The following GALNTL6 variants were observed in gnomAD, a reference collection of about 807,000 sequenced individuals.
GALNTL6 encodes polypeptide N-acetylgalactosaminyltransferase like 6.
A neutral mutation model predicts 73.7 loss-of-function variants in GALNTL6; 46 were observed. The ratio of observed to expected loss-of-function variants is 0.62; its 90% CI spans 0.49 to 0.80. The LOEUF is 0.80. Among genes scored for constraint, GALNTL6 ranks in the 30% least tolerant of loss-of-function variants. The pLI, the probability that GALNTL6 is intolerant of heterozygous loss-of-function variation, is 0.00. For synonymous variants in GALNTL6, 259 were observed against 263.7 expected (o/e 0.98, Z 0.17); for missense variants, 604 against 755.0 (o/e 0.80, Z 2.34).
chr4:172,078,216 G>C (rs1420357326), intron 2 of GALNTL6, among the ~76,000 whole-genome samples: 1 of 152,134 alleles, frequency 6.6e-6, no homozygotes, highest in Non-Finnish European at 1.5e-5. Context: ...ATTGGAACAT[G>C]GGGGCAGATT....
At chr4:172,971,350 T>C (rs772119466) in intron 10 of GALNTL6, among the ~76,000 whole-genome samples, 1 of 152,252 alleles carries the variant, frequency 6.6e-6, no homozygotes, top group Non-Finnish European at 1.5e-5. Context: ...TCAAGAACTC[T>C]GGGATTATTT....
rs968969080 is a variant in GALNTL6, at chr4:172,337,711, T to C, written c.387-10812T>C. Among the ~76,000 whole-genome samples, 14 of 150,728 alleles carry C rather than the reference T, an allele frequency of 9.3e-5. 1 individual carries two copies. The highest frequency in any genetic ancestry group is 3.9e-4 in the East Asian group (2 of 5,120). On this transcript the variant is annotated intron_variant, in intron 4 of 12. Coordinates refer to ENST00000506823, the MANE Select transcript of GALNTL6 (RefSeq NM_001034845.3). ...CTTTAAGGTTTTTTGTTTTTTTTTTTCTAGTGTTGACCTTGATCAGTCTGG... is the reference window on the plus strand; with the variant it reads ...CTTTAAGGTTTTTTGTTTTTTTTTTCCTAGTGTTGACCTTGATCAGTCTGG...
At chr4:172,977,922 C>T (rs1750894850) in intron 10 of GALNTL6, among the ~76,000 whole-genome samples, 1 of 152,142 alleles carries the variant, frequency 6.6e-6, no homozygotes, top group African/African-American at 2.4e-5. Flanking sequence ...TCACTGCAGC[C>T]TCTGCCTCCT....
intron 5 of GALNTL6, among the ~76,000 whole-genome samples, chr4:172,407,219 A>G (rs562441266): frequency 2.0e-5 from 3 of 152,190 alleles, no homozygotes; most frequent in East Asian, 3.9e-4. Context: ...ATTGCTTATC[A>G]TATTATCCAA....
intron 5 of GALNTL6, among the ~76,000 whole-genome samples, chr4:172,622,198 A>G (rs1204158997): frequency 2.6e-5 from 4 of 152,238 alleles, no homozygotes; most frequent in Non-Finnish European, 5.9e-5. Context: ...ACATCCTGTT[A>G]ATAGGAACTC....
intron 5 of GALNTL6, among the ~76,000 whole-genome samples, chr4:172,384,969 TTGTG>T (rs71655291): frequency 0.025 from 3,659 of 145,120 alleles, 155 homozygotes; most frequent in African/African-American, 0.085. Context: ...TGTTGTAATT[TTGTG>T]TGTGTGTGTG....
At chr4:172,168,444 G>C (rs899350894) in intron 2 of GALNTL6, among the ~76,000 whole-genome samples, 4 of 152,126 alleles carry the variant, frequency 2.6e-5, no homozygotes, top group Non-Finnish European at 5.9e-5. Flanking sequence ...TTTATACATA[G>C]ATTGGCATAT....
At chr4:172,378,468 T>G (rs527770923) in intron 5 of GALNTL6, among the ~76,000 whole-genome samples, 9 of 152,172 alleles carry the variant, frequency 5.9e-5, no homozygotes, top group Non-Finnish European at 1.2e-4. Context: ...TCGATAACAC[T>G]AATTGTGTAT....
intron 10 of GALNTL6, among the ~76,000 whole-genome samples, chr4:172,977,903 G>A (rs1157105309): frequency 6.6e-6 from 1 of 152,154 alleles, no homozygotes; most frequent in Admixed American, 6.5e-5. Context: ...GCAATGGCGT[G>A]ATCACAGCTC....
chr4:172,725,923 AT>A (rs1342372921), intron 5 of GALNTL6, among the ~76,000 whole-genome samples: 1 of 152,230 alleles, frequency 6.6e-6, no homozygotes, highest in Non-Finnish European at 1.5e-5. Flanking sequence ...TGTTGTGAGG[AT>A]TAAATTATAA....
Position 172,028,215 on chromosome 4 carries a change from T to C in GALNTL6, c.139-201441T>C, listed in dbSNP as rs915323147. Among the ~76,000 whole-genome samples the C allele has an allele frequency of 4.6e-5, 7 of 151,382 alleles. No homozygotes were observed. The East Asian group carries it at 5.8e-4, about 13-fold the overall frequency. On this transcript the variant is annotated intron_variant, in intron 2 of 12. Transcript: ENST00000506823. ...ATAGAAACTACCAAAATAATAAAGA[T>C]GAAAAGAGATTGGGAGTAGTTACAT...
chr4:173,030,607 T>C (rs1291685281), intron 12 of GALNTL6, among the ~76,000 whole-genome samples: 2 of 152,064 alleles, frequency 1.3e-5, no homozygotes, highest in Non-Finnish European at 2.9e-5. Flanking sequence ...AATTCTTTCC[T>C]ACCAAGCAGG....
intron 3 of GALNTL6, among the ~76,000 whole-genome samples, chr4:172,270,773 T>A (rs13148882): frequency 0.13 from 19,068 of 152,044 alleles, 1,291 homozygotes; most frequent in East Asian, 0.3. Flanking sequence ...AGATAGATAA[T>A]CTCTAGATAT....
intron 2 of GALNTL6, among the ~76,000 whole-genome samples, chr4:171,824,619 T>C (rs1218177457): frequency 6.6e-6 from 1 of 152,192 alleles, no homozygotes; most frequent in Admixed American, 6.6e-5. Flanking sequence ...TATTATTACT[T>C]GTTAGAATTC....
chr4:172,536,823 A>T (rs1735361766), intron 5 of GALNTL6, among the ~76,000 whole-genome samples: 1 of 152,236 alleles, frequency 6.6e-6, no homozygotes. Flanking sequence ...CCAGCAGCAG[A>T]AATTTGCATA....
chr4:172,849,677 CT>C (rs1743710975), intron 7 of GALNTL6, among the ~76,000 whole-genome samples: 1 of 152,132 alleles, frequency 6.6e-6, no homozygotes, highest in African/African-American at 2.4e-5. Flanking sequence ...AAATAAGACA[CT>C]TTCTATTTTT....
intron 5 of GALNTL6, among the ~76,000 whole-genome samples, chr4:172,564,223 C>T (rs565882475): frequency 6.6e-6 from 1 of 152,112 alleles, no homozygotes; most frequent in East Asian, 1.9e-4. Flanking sequence ...AATAAATAAT[C>T]TCATATTCAT....
At chr4:172,232,648 G>T (rs1737108364) in intron 3 of GALNTL6, among the ~76,000 whole-genome samples, 1 of 151,928 alleles carries the variant, frequency 6.6e-6, no homozygotes, top group Admixed American at 6.6e-5. Flanking sequence ...AATCAATAAT[G>T]GATAGAATTC....
At chr4:172,891,069 T>C (rs1746003245) in intron 8 of GALNTL6, among the ~76,000 whole-genome samples, 1 of 152,030 alleles carries the variant, frequency 6.6e-6, no homozygotes. Flanking sequence ...TTTGAGCCTA[T>C]GGGTGTCATT....
Sources: gnomAD v4.1 joint callset for allele counts (sites outside exome capture counted in the v4.1 genomes callset) on GRCh38, gnomAD v4.1.1 for gene constraint, MANE v1.5 for transcripts, NCBI Gene and HGNC (gene_info 2026-07-23, HGNC 2026-07-21) for gene names.